The following NEK9 variants were observed in gnomAD, a reference collection of about 807,000 sequenced individuals.
NEK9 encodes the protein serine/threonine-protein kinase Nek9.
A neutral mutation model predicts 123.4 loss-of-function variants in NEK9; 75 were observed. The ratio of observed to expected loss-of-function variants is 0.61; its 90% CI spans 0.50 to 0.74. The LOEUF (loss-of-function observed/expected upper bound fraction) is 0.74. NEK9 is among the 30% of genes least tolerant of loss of function. NEK9 has a pLI of 0.00. For missense variants in NEK9, 952 were observed against 1,214.4 expected (o/e 0.78, Z 3.21); for synonymous variants, 438 against 458.7 (o/e 0.95, Z 0.58).
At chr14:75,115,765 G>C (rs1222890887) in intron 6 of NEK9, among the ~76,000 whole-genome samples, 3 of 151,992 alleles carry the variant, frequency 2.0e-5, no homozygotes, top group East Asian at 1.9e-4. Flanking sequence ...TAGAAACACA[G>C]ACTATCAACC....
intron 6 of NEK9, among the ~76,000 whole-genome samples, chr14:75,115,585 G>A (rs1566657335): frequency 6.6e-6 from 1 of 152,178 alleles, no homozygotes; most frequent in East Asian, 1.9e-4. Flanking sequence ...TCTCCGTGTG[G>A]GGAATATATA....
intron 15 of NEK9, among the ~76,000 whole-genome samples, chr14:75,101,414 A>G (rs964890746): frequency 4.6e-5 from 7 of 152,238 alleles, no homozygotes; most frequent in Non-Finnish European, 1.5e-5. Context: ...GAATACTTAT[A>G]AAAGGTGCTA....
Position 75,107,475 on chromosome 14 carries a change from C to G in NEK9, c.1195G>C (p.Gly399Arg). ...ELYTWVNMQGGTKLHGQLGHG... is the reference protein window; with the variant it reads ...ELYTWVNMQGRTKLHGQLGHG... ...CCCAGCTGACCATGGAGTTTAGTGC[C>G]TCCTTGCATGTTCTGTGAAATAAAG... The change falls in exon 11 of 22, where the codon GGC (glycine) becomes CGC (arginine). Residue 399 changes from glycine to arginine, a missense_variant. Physicochemically the swap from Gly to Arg is moderately radical, Grantham distance 125. Coordinates refer to ENST00000238616, the MANE Select transcript of NEK9 (RefSeq NM_033116.6). 1 of 1,605,068 alleles carries G rather than the reference C, an allele frequency of 6.2e-7. No individual in the cohort carries two copies. Among genetic ancestry groups the G allele is most frequent in the Non-Finnish European group, 8.5e-7 (1 of 1,176,920 alleles).
At position 75,110,658 on chromosome 14, in the gene NEK9, A is replaced by G. The variant is rs142494902; in HGVS notation, c.939-287T>C. Among the ~76,000 whole-genome samples the G allele has an allele frequency of 3.8e-3, 580 of 152,030 alleles. 4 individuals carry two copies. The highest frequency in any genetic ancestry group is 0.013 in the African/African-American group (559 of 41,456). On this transcript the variant is annotated intron_variant, in intron 8 of 21. Transcript: ENST00000238616. ...AGAGCCTTGAGAACCTCTGATGTAC[A>G]TATTTAGTATCTGATGGACACCTTC...
intron 9 of NEK9, 138 bp downstream of exon 9, chr14:75,110,183 C>T (rs1894914006): frequency 3.0e-6 from 2 of 673,334 alleles, no homozygotes; most frequent in Non-Finnish European, 5.1e-6. Flanking sequence ...TTAGAAATGA[C>T]TGTCTGACAT....
chr14:75,093,179 C>T (rs963938221), intron 18 of NEK9, among the ~76,000 whole-genome samples: 2 of 151,760 alleles, frequency 1.3e-5, no homozygotes, highest in African/African-American at 2.4e-5. Flanking sequence ...CTCAGTCACA[C>T]AAGCCACTCT....
At chr14:75,096,276 CAAAAAAAAAAAAAA>C (rs57130386) in intron 17 of NEK9, among the ~76,000 whole-genome samples, 2 of 79,722 alleles carry the variant, frequency 2.5e-5, no homozygotes, top group Non-Finnish European at 4.7e-5. Context: ...GACTTCGTCT[CAAAAAAAAAAAAAA>C]AAAAAAAAAA....
chr14:75,097,840 G>C (rs1894438768), intron 16 of NEK9, among the ~76,000 whole-genome samples: 1 of 152,136 alleles, frequency 6.6e-6, no homozygotes, highest in African/African-American at 2.4e-5. Context: ...AGAGAGAAGA[G>C]CAACAGCAAA....
intron 10 of NEK9, among the ~76,000 whole-genome samples, chr14:75,108,406 G>A (rs1894848532): frequency 6.6e-6 from 1 of 151,830 alleles, no homozygotes; most frequent in Non-Finnish European, 1.5e-5. Flanking sequence ...GATTACAGGT[G>A]TAAGCCACCA....
At chr14:75,122,574 C>T (rs1895372620) in intron 2 of NEK9, among the ~76,000 whole-genome samples, 1 of 151,938 alleles carries the variant, frequency 6.6e-6, no homozygotes, top group South Asian at 2.1e-4. Flanking sequence ...GCATGATCTC[C>T]ACTCACTGCA....
At chr14:75,124,389 T>C (rs1895447065) in intron 1 of NEK9, among the ~76,000 whole-genome samples, 166 bp from the exon 2 acceptor site, 1 of 152,234 alleles carries the variant, frequency 6.6e-6, no homozygotes, top group Non-Finnish European at 1.5e-5. Context: ...CAATTTAGCA[T>C]TATAATTTAT....
chr14:75,106,207 A>C, intron 12 of NEK9: 1 of 590,158 alleles, frequency 1.7e-6, no homozygotes, highest in South Asian at 2.0e-5. Context: ...AAAATACAAA[A>C]AATTAGCTGG....
Position 75,079,392 on chromosome 14 carries a change from G to T in NEK9, c.*5172C>A, listed in dbSNP as rs1025167249. 19 of 152,082 alleles carry T rather than the reference G, an allele frequency of 1.2e-4. No individual in the cohort carries two copies. Among genetic ancestry groups the T allele is most frequent in the African/African-American group, 3.6e-4 (15 of 41,416 alleles). The allele number at this position is 152,082 out of a possible 1,614,324, so 9.4% of individuals were successfully genotyped here. ...TTTTAATTGTTCCAAAGGAAAGGAG[G>T]TATCACATAATAAAGCTTTATGGTT... On this transcript the variant is annotated 3_prime_UTR_variant, in exon 22 of 22. Coordinates refer to ENST00000238616, the MANE Select transcript of NEK9 (RefSeq NM_033116.6).
Position 75,109,836 on chromosome 14 carries a change from GATGTTACTACAGCA to G in NEK9, c.1017_1030del (p.Ala340ThrfsTer4). The G allele has an allele frequency of 6.2e-7, 1 of 1,613,854 alleles. No individual in the cohort carries two copies. Among genetic ancestry groups the G allele is most frequent in the Non-Finnish European group, 8.5e-7 (1 of 1,179,942 alleles). ...CCAAACATAGACTTCACTGGTTCGT[GATGTTACTACAGCA>G]ATGGGTGCTTCAGTCACAGTGCTTG... On this transcript the variant is annotated frameshift_variant, in exon 10 of 22. Transcript: ENST00000238616. LOFTEE classifies it high-confidence loss of function.
At chr14:75,096,087 G>A (rs928624588) in intron 17 of NEK9, among the ~76,000 whole-genome samples, 4 of 151,766 alleles carry the variant, frequency 2.6e-5, no homozygotes, top group African/African-American at 9.7e-5. Context: ...TTCAAGACCA[G>A]CCTGGCTAAT....
At position 75,120,548 on chromosome 14, in the gene NEK9, T is replaced by A. The variant is rs200004115; in HGVS notation, c.486A>T (p.Ser162=). The A allele has an allele frequency of 6.2e-7, 1 of 1,612,986 alleles. No individual in the cohort carries two copies. The highest frequency in any genetic ancestry group is 2.2e-5 in the East Asian group (1 of 44,826). Residue 162 remains serine, a synonymous_variant, in exon 4 of 22, where the codon TCA becomes TCT. Coordinates refer to ENST00000238616, the MANE Select transcript of NEK9 (RefSeq NM_033116.6). ...MVVWYLFQIV[S]AVSCIHKAGI... is the part of the protein sequence containing the mutation. ...CAGCTTTATGGATGCAGCTCACTGC[T>A]GAAACAATCTGAAATAGGTACCACA...
Position 75,126,813 on chromosome 14 carries a change from CCT to C in NEK9, c.107_108del (p.Gln36ArgfsTer39). ...GCCGCGCCGCCGCCGGCTCGCGGCC[CCT>C]GACTGGCGCTAGGCCCCGGACTCGA... ...GDSSPGPSAS[Q>X]GPRAGGGAAE... On this transcript the variant is annotated frameshift_variant, in exon 1 of 22. Coordinates refer to ENST00000238616, the MANE Select transcript of NEK9 (RefSeq NM_033116.6). LOFTEE classifies it high-confidence loss of function. 6.5e-7 allele frequency: 1 copy of C among 1,533,298 alleles called. No individual in the cohort carries two copies. Among genetic ancestry groups the C allele is most frequent in the Non-Finnish European group, 8.8e-7 (1 of 1,140,650 alleles). The allele number at this position is 1,533,298 out of a possible 1,614,324, so 95.0% of individuals were successfully genotyped here.
At chr14:75,111,143 A>AC (rs1894946186) in intron 8 of NEK9, among the ~76,000 whole-genome samples, 1 of 152,140 alleles carries the variant, frequency 6.6e-6, no homozygotes, top group Admixed American at 6.5e-5. Flanking sequence ...TGGATGTGAT[A>AC]CCCACTCTAT....
Position 75,113,851 on chromosome 14 carries a change from TGA to T in NEK9, c.873+350_873+351del, listed in dbSNP as rs1301590603. 5.3e-5 allele frequency among the ~76,000 whole-genome samples: 8 copies of T among 152,266 alleles called. No individual in the cohort carries two copies. In the East Asian group the frequency reaches 1.5e-3, roughly 29 times the overall value. Reference sequence around the variant, plus strand: ...CTAGAACTACACAGCAAGGGAACCATGAGATATGAGAAATACAGACATTCTGT... The same window carrying T: ...CTAGAACTACACAGCAAGGGAACCATGATATGAGAAATACAGACATTCTGT... On this transcript the variant is annotated intron_variant, in intron 7 of 21. Transcript: ENST00000238616.
Sources: allele counts gnomAD v4.1 joint callset (sites outside exome capture counted in the v4.1 genomes callset), GRCh38; gene constraint gnomAD v4.1.1; transcripts MANE v1.5; gene names NCBI Gene and HGNC (gene_info 2026-07-23, HGNC 2026-07-21).